The following HIVEP3 variants were observed in gnomAD, a reference collection of about 807,000 sequenced individuals.
HIVEP3 encodes transcription factor HIVEP3.
In HIVEP3, 49 loss-of-function variants were observed where a neutral mutation model predicts 152.8. That is an observed-to-expected ratio of 0.32 (90% CI 0.26 to 0.41). The LOEUF (loss-of-function observed/expected upper bound fraction) is 0.41, where lower values mean the gene tolerates loss of function less well. Among genes scored for constraint, HIVEP3 ranks in the 10% least tolerant of loss-of-function variants. The pLI, the probability that HIVEP3 is intolerant of heterozygous loss-of-function variation, is 1.00. For synonymous variants in HIVEP3, 1,269 were observed against 1,289.0 expected (o/e 0.98, Z 0.33); for missense variants, 2,790 against 3,103.3 (o/e 0.90, Z 2.40).
chr1:41,780,946 G>A (rs182914519), intron 1 of HIVEP3, among the ~76,000 whole-genome samples: 2 of 152,304 alleles, frequency 1.3e-5, no homozygotes, highest in Admixed American at 1.3e-4. Context: ...TGAATGAAGA[G>A]CAGGAGTAAC....
intron 1 of HIVEP3, among the ~76,000 whole-genome samples, chr1:42,006,833 C>T (rs557872289): frequency 3.9e-4 from 60 of 152,288 alleles, no homozygotes; most frequent in African/African-American, 1.4e-3. Context: ...CAGAGACCCC[C>T]AGGGACCCCT....
intron 2 of HIVEP3, among the ~76,000 whole-genome samples, chr1:41,653,256 A>C (rs1368419717): frequency 6.8e-6 from 1 of 146,502 alleles, no homozygotes; most frequent in Non-Finnish European, 1.5e-5. Flanking sequence ...TATATATAAC[A>C]TATATATATA....
At chr1:41,903,436 C>T (rs1003191641) in intron 1 of HIVEP3, among the ~76,000 whole-genome samples, 3 of 152,190 alleles carry the variant, frequency 2.0e-5, no homozygotes, top group Admixed American at 6.5e-5. Flanking sequence ...GTGATGTGTG[C>T]AAGGTCCTTA....
chr1:41,554,059 G>A (rs1427928052), intron 5 of HIVEP3, among the ~76,000 whole-genome samples: 1 of 152,132 alleles, frequency 6.6e-6, no homozygotes, highest in African/African-American at 2.4e-5. Flanking sequence ...GCTAGGTTGG[G>A]GAAGTTCTCC....
At chr1:41,876,286 C>T (rs1388049151) in intron 1 of HIVEP3, among the ~76,000 whole-genome samples, 2 of 152,074 alleles carry the variant, frequency 1.3e-5, no homozygotes, top group African/African-American at 4.8e-5. Context: ...CCTAGAGAGG[C>T]AAAGAGATAG....
intron 1 of HIVEP3, among the ~76,000 whole-genome samples, chr1:41,735,273 G>A (rs1646899851): frequency 6.6e-6 from 1 of 152,200 alleles, no homozygotes; most frequent in African/African-American, 2.4e-5. Flanking sequence ...CTACGTAAGG[G>A]CACGTAGAAC....
intron 5 of HIVEP3, among the ~76,000 whole-genome samples, chr1:41,558,998 G>A (rs1569900321): frequency 6.6e-6 from 1 of 151,962 alleles, no homozygotes; most frequent in South Asian, 2.1e-4. Flanking sequence ...CTGGCTGCTG[G>A]GCCCCAGCAC....
chr1:41,786,549 G>A lies in HIVEP3; in HGVS notation c.-800-85554C>T, dbSNP rs116992626. The stretch of plus-strand genomic sequence containing the variant: ...TCTGTAAATAAAGTTTTATGGCAAC[G>A]CAGATACACCCATTCATTTATGTAC... On this transcript the variant is annotated intron_variant, in intron 1 of 8. Coordinates refer to ENST00000372583, the MANE Select transcript of HIVEP3 (RefSeq NM_024503.5). 3.2e-4 allele frequency among the ~76,000 whole-genome samples: 49 copies of A among 152,276 alleles called. 1 individual carries two copies. The East Asian group carries it at 9.1e-3, about 28-fold the overall frequency.
intron 6 of HIVEP3, among the ~76,000 whole-genome samples, chr1:41,520,626 C>T (rs4660195): frequency 0.045 from 6,848 of 152,284 alleles, 625 homozygotes; most frequent in East Asian, 0.33. Context: ...GCACTGTGGA[C>T]ACTGCTCATT....
Position 41,580,037 on chromosome 1 carries a change from C to T in HIVEP3, c.4761G>A (p.Thr1587=), listed in dbSNP as rs201116674. Residue 1587 remains threonine (T), a synonymous_variant, in exon 4 of 9, where the codon ACG becomes ACA. Transcript: ENST00000372583. ...GGAACTGCAGTACCTTCTTTGAGTC[C>T]GTACCTTCTTGTGACTTGGCTGGTC... ...SSRPAKSQEG[T]DSKKVLQFPS... 3.0e-4 allele frequency: 481 copies of T among 1,614,058 alleles called. No homozygotes were observed. Among genetic ancestry groups the T allele is most frequent in the Non-Finnish European group, 3.8e-4 (454 of 1,180,054 alleles).
intron 2 of HIVEP3, among the ~76,000 whole-genome samples, chr1:41,678,344 AC>A (rs1645988672): frequency 2.0e-5 from 3 of 151,830 alleles, no homozygotes; most frequent in South Asian, 4.2e-4. Flanking sequence ...GGGCCTCCCC[AC>A]TCCTCAGCTT....
At chr1:41,784,694 T>C (rs1649244992) in intron 1 of HIVEP3, among the ~76,000 whole-genome samples, 2 of 152,248 alleles carry the variant, frequency 1.3e-5, no homozygotes. Context: ...TTTCCATGAC[T>C]TACTCAAGTA....
At chr1:41,699,701 G>A (rs1646332233) in intron 2 of HIVEP3, among the ~76,000 whole-genome samples, 1 of 152,144 alleles carries the variant, frequency 6.6e-6, no homozygotes, top group Non-Finnish European at 1.5e-5. Flanking sequence ...GAGAGCCGAG[G>A]CCACAGACAC....
At chr1:41,993,539 T>C (rs1272586999) in intron 1 of HIVEP3, among the ~76,000 whole-genome samples, 2 of 152,150 alleles carry the variant, frequency 1.3e-5, no homozygotes, top group Non-Finnish European at 2.9e-5. Context: ...GGAACACTTA[T>C]ACACTGTTGG....
chr1:41,910,448 C>G (rs1355216116), intron 1 of HIVEP3, among the ~76,000 whole-genome samples: 1 of 151,886 alleles, frequency 6.6e-6, no homozygotes, highest in Non-Finnish European at 1.5e-5. Context: ...GAACTCCAGC[C>G]TCACAGAATC....
At chr1:41,569,831 G>C (rs1484374308) in intron 5 of HIVEP3, among the ~76,000 whole-genome samples, 1 of 152,158 alleles carries the variant, frequency 6.6e-6, no homozygotes, top group Admixed American at 6.5e-5. Flanking sequence ...AATTAATTCA[G>C]CTATAGAAAT....
chr1:41,735,252 G>A (rs710238), intron 1 of HIVEP3, among the ~76,000 whole-genome samples: 52,181 of 152,036 alleles, frequency 0.34, 9,127 homozygotes, highest in South Asian at 0.47. Context: ...TGCTGTTTGG[G>A]AGATCTCTTC....
intron 1 of HIVEP3, among the ~76,000 whole-genome samples, chr1:41,929,003 C>G (rs1295611916): frequency 2.0e-5 from 3 of 152,174 alleles, no homozygotes; most frequent in African/African-American, 7.2e-5. Flanking sequence ...TATGAAATTA[C>G]TATTTTTCCC....
intron 1 of HIVEP3, among the ~76,000 whole-genome samples, chr1:41,946,576 G>C (rs4660587): frequency 0.8 from 121,382 of 152,078 alleles, 49,172 homozygotes; most frequent in East Asian, 0.96. Context: ...AGCCCCACTC[G>C]CTTGTTAGGG....
Sources: gnomAD v4.1 joint callset for allele counts (sites outside exome capture counted in the v4.1 genomes callset) on GRCh38, gnomAD v4.1.1 for gene constraint, MANE v1.5 for transcripts, NCBI Gene and HGNC (gene_info 2026-07-23, HGNC 2026-07-21) for gene names.